The following ATP8A1 variants were observed in gnomAD, a reference collection of about 807,000 sequenced individuals.
ATP8A1 encodes the protein phospholipid-transporting ATPase IA.
ATP8A1 carries 90 observed loss-of-function variants against 177.7 expected under a neutral mutation model. The observed-to-expected ratio is 0.51, with a 90% CI of 0.43 to 0.60. ATP8A1 has a LOEUF of 0.60. ATP8A1 is among the 20% of genes least tolerant of loss of function. The probability of loss-of-function intolerance (pLI) is 0.00; values close to 1 mark genes in which losing one functional copy is unlikely to be tolerated. For missense variants in ATP8A1, 1,072 were observed against 1,392.8 expected (o/e 0.77, Z 3.67); for synonymous variants, 493 against 485.9 (o/e 1.01, Z -0.19).
At chr4:42,579,327 A>G (rs1732782304) in intron 11 of ATP8A1, among the ~76,000 whole-genome samples, 1 of 148,296 alleles carries the variant, frequency 6.7e-6, no homozygotes, top group South Asian at 2.1e-4. Flanking sequence ...TGGTACTTTT[A>G]TTTAAATAAA....
At chr4:42,528,082 T>C (rs1482748533) in intron 20 of ATP8A1, among the ~76,000 whole-genome samples, 1 of 152,150 alleles carries the variant, frequency 6.6e-6, no homozygotes, top group Admixed American at 6.5e-5. Context: ...CCAGTTAAAA[T>C]AGGGGTTTAT....
chr4:42,597,773 C>T (rs2109390395), intron 6 of ATP8A1, among the ~76,000 whole-genome samples: 1 of 152,140 alleles, frequency 6.6e-6, no homozygotes, highest in Non-Finnish European at 1.5e-5. Context: ...TCACAGTTCT[C>T]AATATAAATA....
At chr4:42,650,057 A>ATAGAGAC (rs1037150256) in intron 1 of ATP8A1, among the ~76,000 whole-genome samples, 2 of 152,220 alleles carry the variant, frequency 1.3e-5, no homozygotes, top group Non-Finnish European at 2.9e-5. Flanking sequence ...AACCATGTGA[A>ATAGAGAC]TAGAGACCCA....
chr4:42,522,444 A>C, intron 21 of ATP8A1, 145 bp from the exon 22 acceptor site: 1 of 963,812 alleles, frequency 1.0e-6, no homozygotes, highest in Non-Finnish European at 1.5e-6. Context: ...ATTATGACAA[A>C]AACTTAGTAT....
At chr4:42,487,575 T>C (rs969808089) in intron 24 of ATP8A1, among the ~76,000 whole-genome samples, 4 of 152,056 alleles carry the variant, frequency 2.6e-5, no homozygotes, top group Admixed American at 2.0e-4. Context: ...TACAGTACAC[T>C]TATATAACAA....
intron 25 of ATP8A1, among the ~76,000 whole-genome samples, chr4:42,472,729 G>T (rs1720572692): frequency 7.3e-6 from 1 of 136,066 alleles, no homozygotes; most frequent in African/African-American, 2.8e-5. Flanking sequence ...CAGCTCAGGT[G>T]ACAGTGCGAG....
chr4:42,626,588 T>C, intron 2 of ATP8A1: 1 of 201,236 alleles, frequency 5.0e-6, no homozygotes. Context: ...ACTTCACAAC[T>C]ATCAAAAACC....
Position 42,511,821 on chromosome 4 carries a change from AT to A in ATP8A1, c.1948-4668del, listed in dbSNP as rs10658644. 2.2e-4 allele frequency among the ~76,000 whole-genome samples: 34 copies of A among 151,558 alleles called. 1 individual carries two copies. The highest frequency in any genetic ancestry group is 1.9e-3 in the Admixed American group (29 of 15,200). The stretch of plus-strand genomic sequence containing the variant: ...ATTATGTCAGTGCTTAGATGATGTC[AT>A]TTTTTTTTAAAGTTTGTGATATGCT... On this transcript the variant is annotated intron_variant, in intron 22 of 36. Transcript: ENST00000381668.
In ATP8A1 at chr4:42,464,696, A is replaced by T; in HGVS notation, c.2613T>A (p.Ile871=). 6.3e-7 allele frequency: 1 copy of T among 1,575,634 alleles called. No individual in the cohort carries two copies. Among genetic ancestry groups the T allele is most frequent in the South Asian group, 1.2e-5 (1 of 86,832 alleles). ...AAATTTAACCTGCTATTACCTCGAT[A>T]ATATAGAGCACTATATTCTTGTAGA... The part of the protein sequence containing the change: ...YCFYKNIVLY[I]IEIWFAFVNG... Residue 871 remains isoleucine, a synonymous_variant, in exon 27 of 37, where the codon ATT becomes ATA. Transcript: ENST00000381668.
intron 20 of ATP8A1, among the ~76,000 whole-genome samples, chr4:42,528,317 A>G (rs1367354628): frequency 6.6e-6 from 1 of 152,110 alleles, no homozygotes; most frequent in Non-Finnish European, 1.5e-5. Context: ...CTCTCCCTAG[A>G]AAAATAGTAA....
Position 42,448,401 on chromosome 4 carries a change from C to CTTTTTTTTCTT in ATP8A1, c.2897-1758_2897-1757insAAGAAAAAAAA, listed in dbSNP as rs1553875020. 6.0e-5 allele frequency among the ~76,000 whole-genome samples: 6 copies of CTTTTTTTTCTT among 99,572 alleles called. No individual in the cohort carries two copies. The East Asian group carries it at 2.1e-3, about 35-fold the overall frequency. The allele number at this position is 99,572 out of a possible 152,430, so 65.3% of individuals were successfully genotyped here. A position where few individuals can be genotyped will look rare whatever the true frequency, so the allele number is the denominator to read the frequency against. Reference sequence around the variant, plus strand: ...CTCCCTCCCTCCTTCTCTTTCTTTTCTTTTTTTTTTTTTTGAGATGGAGTC... The same window carrying CTTTTTTTTCTT: ...CTCCCTCCCTCCTTCTCTTTCTTTTCTTTTTTTTCTTTTTTTTTTTTTTTTGAGATGGAGTC... On this transcript the variant is annotated intron_variant, in intron 30 of 36. Transcript: ENST00000381668.
chr4:42,507,781 A>G (rs1472389436), intron 22 of ATP8A1, among the ~76,000 whole-genome samples: 1 of 26,832 alleles, frequency 3.7e-5, no homozygotes. Context: ...CAGGCATTCT[A>G]AAAAAAAAAA....
At chr4:42,483,532 C>G (rs1333012455) in intron 25 of ATP8A1, among the ~76,000 whole-genome samples, 1 of 152,134 alleles carries the variant, frequency 6.6e-6, no homozygotes, top group East Asian at 1.9e-4. Flanking sequence ...ACGTGCACGG[C>G]AGGGTGTGAT....
In ATP8A1 at chr4:42,553,320, G is replaced by A. The variant is rs946296282; in HGVS notation, c.1414-710C>T. Among the ~76,000 whole-genome samples the A allele has an allele frequency of 2.6e-5, 4 of 152,116 alleles. No homozygotes were observed. The East Asian group carries it at 7.7e-4, about 29-fold the overall frequency. On this transcript the variant is annotated intron_variant, in intron 16 of 36. Transcript: ENST00000381668. ...TTTAGGCATGCAATCTTACTGCACT[G>A]GGGTTATACTTTGCGTTGGGGTGAT...
At chr4:42,491,973 A>T (rs1722784135) in intron 24 of ATP8A1, among the ~76,000 whole-genome samples, 1 of 152,120 alleles carries the variant, frequency 6.6e-6, no homozygotes, top group South Asian at 2.1e-4. Flanking sequence ...CGAGGTGAAA[A>T]TTATGGGTAA....
intron 9 of ATP8A1, among the ~76,000 whole-genome samples, chr4:42,582,596 C>T (rs2109347358): frequency 6.7e-6 from 1 of 149,998 alleles, no homozygotes; most frequent in East Asian, 2.0e-4. Flanking sequence ...GATCTCACCA[C>T]TTATTTGCAT....
Position 42,456,293 on chromosome 4 carries a change from A to G in ATP8A1, c.2620-694T>C, listed in dbSNP as rs547116806. Among the ~76,000 whole-genome samples the G allele has an allele frequency of 2.3e-4, 35 of 152,266 alleles. No homozygotes were observed. In the South Asian group the frequency reaches 6.2e-3, roughly 27 times the overall value. ...ATAAATAACTCTAAACTGAAACCAT[A>G]TATCTCTCTTTTTTCCTTAGGGTGA... On this transcript the variant is annotated intron_variant, in intron 27 of 36. Transcript: ENST00000381668.
chr4:42,555,089 C>G (rs867457121), intron 16 of ATP8A1, among the ~76,000 whole-genome samples: 21 of 69,568 alleles, frequency 3.0e-4, no homozygotes, highest in African/African-American at 8.5e-4. Flanking sequence ...GTGTGTGTAT[C>G]TATCTATCTA....
chr4:42,521,237 A>G (rs115369624), intron 22 of ATP8A1, among the ~76,000 whole-genome samples: 102 of 152,330 alleles, frequency 6.7e-4, no homozygotes, highest in African/African-American at 2.3e-3. Flanking sequence ...AGAGGTTAGA[A>G]TGAAGTCACT....
Sources: gnomAD v4.1 joint callset for allele counts (sites outside exome capture counted in the v4.1 genomes callset) on GRCh38, gnomAD v4.1.1 for gene constraint, MANE v1.5 for transcripts, NCBI Gene and HGNC (gene_info 2026-07-23, HGNC 2026-07-21) for gene names.